LIN7C: variants seen among roughly 807,000 people sequenced by gnomAD.
LIN7C encodes protein lin-7 homolog C.
A neutral mutation model predicts 24.7 loss-of-function variants in LIN7C; 17 were observed. The ratio of observed to expected loss-of-function variants is 0.69; its 90% confidence interval spans 0.47 to 1.03. The LOEUF (loss-of-function observed/expected upper bound fraction) is 1.03. LIN7C is among the 50% of genes least tolerant of loss of function. The pLI is 0.00. For missense variants in LIN7C, 204 were observed against 239.0 expected, an observed-to-expected ratio of 0.85 and a Z score of 0.97; for synonymous variants, 90 against 83.4, an observed-to-expected ratio of 1.08 and a Z score of -0.43.
chr11:27,504,231 G>A (rs1160765474), intron 1 of LIN7C, among the ~76,000 whole-genome samples: 3 of 152,244 alleles, frequency 2.0e-5, no homozygotes, highest in Admixed American at 6.5e-5. Flanking sequence ...CAGAATGACC[G>A]ATACATGGGG....
intron 1 of LIN7C, 98 bp downstream of exon 1, chr11:27,506,618 C>A: frequency 7.2e-7 from 1 of 1,398,030 alleles, no homozygotes; most frequent in South Asian, 1.2e-5. Context: ...GACAGCGTGG[C>A]CCGGATCTCA....
intron 1 of LIN7C, among the ~76,000 whole-genome samples, chr11:27,505,845 G>A (rs1267801427): frequency 1.3e-5 from 2 of 152,142 alleles, no homozygotes; most frequent in East Asian, 1.9e-4. Flanking sequence ...TAATGCTGGT[G>A]TATGAAAAGC....
Position 27,506,766 on chromosome 11 carries a change from C to G in LIN7C, c.-14G>C, listed in dbSNP as rs1387341576. ...TAGCGCCGCCATCTTCTCCCTTAAC[C>G]TACAGACCCACAGGAAATGACGACA... On this transcript the variant is annotated 5_prime_UTR_variant, in exon 1 of 5. Transcript: ENST00000278193. The G allele has an allele frequency of 2.5e-6, 4 of 1,613,950 alleles. No homozygotes were observed. The African/African-American group carries it at 4.0e-5, about 16-fold the overall frequency.
Position 27,497,597 on chromosome 11 carries a change from T to A in LIN7C, c.*1052A>T, listed in dbSNP as rs980055331. 2 of 152,528 alleles carry A rather than the reference T, an allele frequency of 1.3e-5. No individual in the cohort carries two copies. Among genetic ancestry groups the A allele is most frequent in the African/African-American group, 4.8e-5 (2 of 41,450 alleles). The allele number at this position is 152,528 out of a possible 1,614,324, so 9.4% of individuals were successfully genotyped here. A position where few individuals can be genotyped will look rare whatever the true frequency, so the allele number is the denominator to read the frequency against. On this transcript the variant is annotated 3_prime_UTR_variant, in exon 5 of 5. Transcript: ENST00000278193. ...TACAGATTCTCATGAATACTTCACA[T>A]CATAATTTCTATGTATCTTAAATAT...
intron 1 of LIN7C, among the ~76,000 whole-genome samples, chr11:27,506,511 A>C (rs974412260): frequency 1.3e-5 from 2 of 152,154 alleles, no homozygotes; most frequent in Non-Finnish European, 2.9e-5. Context: ...AGTCCGTGTG[A>C]ACAGAGGAGG....
chr11:27,498,535 T>G lies in LIN7C; in HGVS notation c.*114A>C. The G allele has an allele frequency of 2.1e-6, 2 of 969,992 alleles. No individual in the cohort carries two copies. Among genetic ancestry groups the G allele is most frequent in the Admixed American group, 4.9e-5 (2 of 41,182 alleles). 60.1% of individuals were successfully genotyped at this position (969,992 alleles called of 1,614,324 possible). A position where few individuals can be genotyped will look rare whatever the true frequency, so the allele number is the denominator to read the frequency against. ...GCATTTATAAAATGACAAGGAGAAT[T>G]TCATGATAAATTTGTTTGTTTTCTT... On this transcript the variant is annotated 3_prime_UTR_variant, in exon 5 of 5. Coordinates refer to ENST00000278193, the MANE Select transcript of LIN7C (RefSeq NM_018362.4).
rs1206254177 is a variant in LIN7C, at chr11:27,501,939, A to G, written c.38-19T>C. On this transcript the variant is annotated intron_variant, in intron 1 of 4. Coordinates refer to ENST00000278193, the MANE Select transcript of LIN7C (RefSeq NM_018362.4). The stretch of plus-strand genomic sequence containing the variant: ...CAAATATCTAGAGTTAAACACACAC[A>G]CAGATAATTTTCTCCAAGGGTTTTC... The G allele has an allele frequency of 2.0e-6, 3 of 1,468,802 alleles. No individual in the cohort carries two copies. The highest frequency in any genetic ancestry group is 1.7e-5 in the Admixed American group (1 of 58,576). The allele number at this position is 1,468,802 out of a possible 1,614,324, so 91.0% of individuals were successfully genotyped here. A position where few individuals can be genotyped will look rare whatever the true frequency, so the allele number is the denominator to read the frequency against.
At chr11:27,502,687 T>C (rs1246762735) in intron 1 of LIN7C, among the ~76,000 whole-genome samples, 3 of 152,084 alleles carry the variant, frequency 2.0e-5, no homozygotes, top group Admixed American at 6.6e-5. Context: ...CACTGTACAA[T>C]GGAAATAACA....
rs907720821 is a variant in LIN7C, at chr11:27,494,759, T to C, written c.*3890A>G. 7 of 152,228 alleles carry C rather than the reference T, an allele frequency of 4.6e-5. No homozygotes were observed. Among genetic ancestry groups the C allele is most frequent in the African/African-American group, 1.7e-4 (7 of 41,470 alleles). The allele number at this position is 152,228 out of a possible 1,614,324, so 9.4% of individuals were successfully genotyped here. A position where few individuals can be genotyped will look rare whatever the true frequency, so the allele number is the denominator to read the frequency against. On this transcript the variant is annotated 3_prime_UTR_variant, in exon 5 of 5. Transcript: ENST00000278193. ...TCAATACAAATTAGTCTCAAAGTTCTTGAAAATTAATAAGTGATTTTTCTC... is the reference window on the plus strand; with the variant it reads ...TCAATACAAATTAGTCTCAAAGTTCCTGAAAATTAATAAGTGATTTTTCTC...
intron 1 of LIN7C, among the ~76,000 whole-genome samples, chr11:27,503,489 C>G (rs1285520878): frequency 6.6e-6 from 1 of 152,034 alleles, no homozygotes; most frequent in African/African-American, 2.4e-5. Flanking sequence ...AGATAGAAAA[C>G]TATGAATAAA....
chr11:27,500,289 A>G (rs1184619724), intron 3 of LIN7C, among the ~76,000 whole-genome samples: 5 of 152,202 alleles, frequency 3.3e-5, no homozygotes, highest in Non-Finnish European at 7.3e-5. Context: ...TGCAGGACAC[A>G]ACCTACCTAT....
At chr11:27,506,047 T>C (rs933217044) in intron 1 of LIN7C, among the ~76,000 whole-genome samples, 2 of 152,182 alleles carry the variant, frequency 1.3e-5, no homozygotes, top group African/African-American at 4.8e-5. Context: ...TAGGAAGCAA[T>C]CAGCCAACCA....
intron 1 of LIN7C, among the ~76,000 whole-genome samples, chr11:27,505,696 G>C (rs1217219978): frequency 1.3e-5 from 2 of 152,168 alleles, no homozygotes; most frequent in Non-Finnish European, 2.9e-5. Flanking sequence ...TTTTCTTAGG[G>C]AACAATAGTA....
At position 27,495,620 on chromosome 11, in the gene LIN7C, A is replaced by C. The variant is rs1275440513; in HGVS notation, c.*3029T>G. On this transcript the variant is annotated 3_prime_UTR_variant, in exon 5 of 5. Coordinates refer to ENST00000278193, the MANE Select transcript of LIN7C (RefSeq NM_018362.4). The stretch of plus-strand genomic sequence containing the variant: ...ATTAACGACAATATTTCTCATCTGC[A>C]ATTTTTAAACATGCTTTCTCAAATA... 1 of 152,100 alleles carries C rather than the reference A, an allele frequency of 6.6e-6. No individual in the cohort carries two copies. Among genetic ancestry groups the C allele is most frequent in the Non-Finnish European group, 1.5e-5 (1 of 68,022 alleles). The allele number at this position is 152,100 out of a possible 1,614,324, so 9.4% of individuals were successfully genotyped here. A position where few individuals can be genotyped will look rare whatever the true frequency, so the allele number is the denominator to read the frequency against.
At chr11:27,498,896 G>T in intron 4 of LIN7C, 92 bp from the exon 5 acceptor site, 1 of 1,092,370 alleles carries the variant, frequency 9.2e-7, no homozygotes. Context: ...ATATAATGAA[G>T]AAAAGTTTTA....
intron 3 of LIN7C, among the ~76,000 whole-genome samples, 192 bp from the exon 4 acceptor site, chr11:27,499,760 C>T (rs937825107): frequency 6.6e-6 from 1 of 152,090 alleles, no homozygotes; most frequent in African/African-American, 2.4e-5. Context: ...GTAGCTGAGA[C>T]TACAGGCGCC....
Position 27,494,551 on chromosome 11 carries a change from T to G in LIN7C, c.*4098A>C, listed in dbSNP as rs1299302053. 2 of 152,232 alleles carry G rather than the reference T, an allele frequency of 1.3e-5. No homozygotes were observed. The highest frequency in any genetic ancestry group is 4.8e-5 in the African/African-American group (2 of 41,462). 9.4% of individuals were successfully genotyped at this position (152,232 alleles called of 1,614,324 possible). A position where few individuals can be genotyped will look rare whatever the true frequency, so the allele number is the denominator to read the frequency against. ...ATCTATTGTGTAGTTATATCAACTTTTTTCAAATCCAAAGAACGAGGACAT... is the reference window on the plus strand; with the variant it reads ...ATCTATTGTGTAGTTATATCAACTTGTTTCAAATCCAAAGAACGAGGACAT... On this transcript the variant is annotated 3_prime_UTR_variant, in exon 5 of 5. Transcript: ENST00000278193.
rs559567747 is a variant in LIN7C, at chr11:27,496,791, A to G, written c.*1858T>C. On this transcript the variant is annotated 3_prime_UTR_variant, in exon 5 of 5. Transcript: ENST00000278193. ...TATAATGAAATGTTGATACATACTT[A>G]AAAGCTACTGCAGCTGTAGCTATAC... The G allele has an allele frequency of 6.6e-5, 10 of 152,320 alleles. No homozygotes were observed. The highest frequency in any genetic ancestry group is 2.4e-4 in the African/African-American group (10 of 41,580). The allele number at this position is 152,320 out of a possible 1,614,324, so 9.4% of individuals were successfully genotyped here.
intron 3 of LIN7C, among the ~76,000 whole-genome samples, chr11:27,500,420 T>C (rs537973998): frequency 3.3e-5 from 5 of 152,336 alleles, no homozygotes; most frequent in East Asian, 3.9e-4. Context: ...GAGGTACATA[T>C]AGCCAATCTG....
Sources: gnomAD v4.1 joint callset for allele counts (sites outside exome capture counted in the v4.1 genomes callset) on GRCh38, gnomAD v4.1.1 for gene constraint, MANE v1.5 for transcripts, NCBI Gene and HGNC (gene_info 2026-07-23, HGNC 2026-07-21) for gene names.